NRCAM: variants seen among roughly 807,000 people sequenced by gnomAD.
NRCAM encodes the protein NgCAM-related cell adhesion molecule.
Under a neutral mutation model 156.5 loss-of-function variants are expected in NRCAM, and 83 were observed. The observed-to-expected ratio is 0.53, with a 90% CI of 0.44 to 0.64. The LOEUF is 0.64. NRCAM is among the 30% of genes least tolerant of loss of function. NRCAM has a pLI of 0.00. For missense variants in NRCAM, 1,417 were observed against 1,597.3 expected, an observed-to-expected ratio of 0.89 and a Z score of 1.92; for synonymous variants, 538 against 563.9, an observed-to-expected ratio of 0.95 and a Z score of 0.65.
intron 1 of NRCAM, among the ~76,000 whole-genome samples, chr7:108,428,336 T>C (rs982008668): frequency 1.3e-5 from 2 of 152,208 alleles, no homozygotes; most frequent in East Asian, 1.9e-4. Flanking sequence ...CTACATATAT[T>C]AGTGAAAGTA....
intron 3 of NRCAM, among the ~76,000 whole-genome samples, chr7:108,263,714 T>C (rs2096971770): frequency 6.6e-6 from 1 of 152,238 alleles, no homozygotes; most frequent in African/African-American, 2.4e-5. Flanking sequence ...GCTCACAGGC[T>C]TATGGGATGA....
intron 11 of NRCAM, among the ~76,000 whole-genome samples, chr7:108,214,353 A>C (rs191944320): frequency 1.1e-4 from 17 of 152,230 alleles, no homozygotes; most frequent in African/African-American, 3.4e-4. Flanking sequence ...GAATTTATCC[A>C]TCTCTTCTAG....
chr7:108,357,308 A>T (rs1428331761), intron 2 of NRCAM, among the ~76,000 whole-genome samples: 1 of 151,124 alleles, frequency 6.6e-6, no homozygotes, highest in Non-Finnish European at 1.5e-5. Context: ...AGGATTAAAA[A>T]GTACTCTTTT....
chr7:108,333,383 T>A (rs2099146913), intron 2 of NRCAM, among the ~76,000 whole-genome samples: 1 of 152,324 alleles, frequency 6.6e-6, no homozygotes, highest in South Asian at 2.1e-4. Flanking sequence ...ACTGCTGACA[T>A]CTAGCACCAT....
rs2039707866 is a variant in NRCAM at position 108,148,098 on chromosome 7, G to A, written c.*1812C>T. On this transcript the variant is annotated 3_prime_UTR_variant, in exon 33 of 33. Transcript: ENST00000379028. The stretch of plus-strand genomic sequence containing the variant: ...TGCTTTACCTACATATATCAAACAT[G>A]CCAGGTTACTAGGCCTACTGTGCCC... 1 of 152,538 alleles carries A rather than the reference G, an allele frequency of 6.6e-6. No homozygotes were observed. The highest frequency in any genetic ancestry group is 1.5e-5 in the Non-Finnish European group (1 of 68,020). The allele number at this position is 152,538 out of a possible 1,614,324, so 9.4% of individuals were successfully genotyped here. A position where few individuals can be genotyped will look rare whatever the true frequency, so the allele number is the denominator to read the frequency against.
chr7:108,369,120 A>G (rs2099612812), intron 2 of NRCAM, among the ~76,000 whole-genome samples: 2 of 152,276 alleles, frequency 1.3e-5, no homozygotes, highest in Admixed American at 1.3e-4. Context: ...TGATGCATTC[A>G]ATACTAATTT....
At chr7:108,158,535 C>CT in intron 32 of NRCAM, among the ~76,000 whole-genome samples, 1 of 152,180 alleles carries the variant, frequency 6.6e-6, no homozygotes, top group East Asian at 1.9e-4. Flanking sequence ...AATATCTTCT[C>CT]TACAAATGTT....
chr7:108,285,265 T>C (rs2098046292), intron 3 of NRCAM, among the ~76,000 whole-genome samples: 1 of 152,194 alleles, frequency 6.6e-6, no homozygotes, highest in African/African-American at 2.4e-5. Flanking sequence ...TTCACTCACT[T>C]CCATTCCTTT....
intron 11 of NRCAM, among the ~76,000 whole-genome samples, chr7:108,212,881 T>C (rs1171957142): frequency 2.0e-5 from 3 of 152,134 alleles, no homozygotes; most frequent in Admixed American, 6.5e-5. Flanking sequence ...GACATTCAAA[T>C]ACAGGAAGCA....
chr7:108,433,127 C>T (rs144666580), intron 1 of NRCAM, among the ~76,000 whole-genome samples: 1 of 152,282 alleles, frequency 6.6e-6, no homozygotes, highest in African/African-American at 2.4e-5. Context: ...CCACCCATCC[C>T]AGTCCTGCTT....
In NRCAM at chr7:108,318,637, T is replaced by C. The variant is rs141050392; in HGVS notation, c.-173-5906A>G. ...TCTCAGGAAAGTGACCATGAGTCTGTGTGTGTATGAGTGCACATGTGTGTG... is the reference window on the plus strand; with the variant it reads ...TCTCAGGAAAGTGACCATGAGTCTGCGTGTGTATGAGTGCACATGTGTGTG... On this transcript the variant is annotated intron_variant, in intron 2 of 32. Transcript: ENST00000379028. Among the ~76,000 whole-genome samples, 745 of 152,196 alleles carry C rather than the reference T, an allele frequency of 4.9e-3. 5 individuals carry two copies. The highest frequency in any genetic ancestry group is 0.017 in the African/African-American group (713 of 41,518).
chr7:108,302,328 T>C (rs534797590), intron 3 of NRCAM, among the ~76,000 whole-genome samples: 2 of 152,282 alleles, frequency 1.3e-5, no homozygotes, highest in East Asian at 3.9e-4. Flanking sequence ...TTTTGACCTT[T>C]TGGTTTCTAC....
At chr7:108,315,521 T>G (rs562782491) in intron 2 of NRCAM, among the ~76,000 whole-genome samples, 4 of 152,264 alleles carry the variant, frequency 2.6e-5, no homozygotes, top group African/African-American at 9.6e-5. Flanking sequence ...GACAGTATGG[T>G]CTGAGATAAA....
intron 5 of NRCAM, among the ~76,000 whole-genome samples, chr7:108,235,368 C>T (rs2094838330): frequency 6.6e-6 from 1 of 152,162 alleles, no homozygotes; most frequent in African/African-American, 2.4e-5. Flanking sequence ...TGTTCTGACC[C>T]AGAACAATCT....
At chr7:108,406,213 C>G (rs901854563) in intron 1 of NRCAM, among the ~76,000 whole-genome samples, 1 of 151,796 alleles carries the variant, frequency 6.6e-6, no homozygotes, top group Non-Finnish European at 1.5e-5. Context: ...CATTGAGACA[C>G]TGGCAGGAAA....
intron 1 of NRCAM, among the ~76,000 whole-genome samples, chr7:108,430,913 A>G (rs998073349): frequency 6.6e-6 from 1 of 152,092 alleles, no homozygotes; most frequent in African/African-American, 2.4e-5. Context: ...CTGCACTGTA[A>G]GGTTTTGCTT....
At chr7:108,417,261 T>C (rs1227048063) in intron 1 of NRCAM, among the ~76,000 whole-genome samples, 1 of 152,184 alleles carries the variant, frequency 6.6e-6, no homozygotes, top group East Asian at 1.9e-4. Context: ...ACTGGGTAAC[T>C]TATAAGGACA....
intron 3 of NRCAM, among the ~76,000 whole-genome samples, chr7:108,241,257 T>C (rs1272655761): frequency 6.6e-6 from 1 of 152,210 alleles, no homozygotes; most frequent in Non-Finnish European, 1.5e-5. Flanking sequence ...CTCATCTTTG[T>C]AGCCCTCTCC....
At chr7:108,163,503 G>A (rs1322030366) in intron 30 of NRCAM, among the ~76,000 whole-genome samples, 1 of 152,194 alleles carries the variant, frequency 6.6e-6, no homozygotes, top group Non-Finnish European at 1.5e-5. Context: ...GACATCAAAC[G>A]CTTAGATGTG....
Sources: allele counts gnomAD v4.1 joint callset (sites outside exome capture counted in the v4.1 genomes callset), GRCh38; gene constraint gnomAD v4.1.1; transcripts MANE v1.5; gene names NCBI Gene and HGNC (gene_info 2026-07-23, HGNC 2026-07-21).